Variants in HMGXB3 observed in about 807,000 individuals in gnomAD.
HMGXB3 encodes the protein HMG domain-containing protein 3.
HMGXB3 carries 45 observed loss-of-function variants against 121.5 expected under a neutral mutation model. The observed-to-expected ratio is 0.37, with a 90% CI of 0.29 to 0.47. The LOEUF (loss-of-function observed/expected upper bound fraction) is 0.47. Among genes scored for constraint, HMGXB3 ranks in the 20% least tolerant of loss-of-function variants. The probability of loss-of-function intolerance (pLI) is 0.99; values close to 1 mark genes in which losing one functional copy is unlikely to be tolerated. For missense variants in HMGXB3, 1,376 were observed against 1,602.2 expected, an observed-to-expected ratio of 0.86 and a Z score of 2.41; for synonymous variants, 590 against 624.1, an observed-to-expected ratio of 0.95 and a Z score of 0.81.
At chr5:150,036,308 C>G (rs1264772732) in intron 11 of HMGXB3, among the ~76,000 whole-genome samples, 2 of 152,122 alleles carry the variant, frequency 1.3e-5, no homozygotes, top group African/African-American at 4.8e-5. Context: ...AGAATACATA[C>G]TGCTTGAGCA....
chr5:150,010,043 C>G (rs1033636979), intron 3 of HMGXB3, 68 bp from the exon 4 acceptor site: 2 of 1,433,426 alleles, frequency 1.4e-6, no homozygotes, highest in South Asian at 1.4e-5. Flanking sequence ...ATATATCTTT[C>G]TCTCTCCATG....
intron 18 of HMGXB3, 75 bp from the exon 19 acceptor site, chr5:150,050,177 A>C: frequency 7.8e-7 from 1 of 1,275,768 alleles, no homozygotes; most frequent in South Asian, 1.3e-5. Flanking sequence ...CCTGGGAAGA[A>C]GCGAGTGAGA....
rs216135 is a variant in HMGXB3, at chr5:150,052,504, G to A, written c.*312G>A. On this transcript the variant is annotated 3_prime_UTR_variant, in exon 20 of 20. Transcript: ENST00000502717. The stretch of plus-strand genomic sequence containing the variant: ...AGCTGGTGGGTTCCGTGGGGCCTGC[G>A]GTGTGGGTCAGGGTGGAGGTCCTGG... 1.8e-5 allele frequency: 6 copies of A among 341,110 alleles called. No individual in the cohort carries two copies. The highest frequency in any genetic ancestry group is 4.3e-5 in the South Asian group (1 of 23,174). 21.1% of individuals were successfully genotyped at this position (341,110 alleles called of 1,614,324 possible).
intron 9 of HMGXB3, among the ~76,000 whole-genome samples, chr5:150,028,472 GT>G (rs1372112387): frequency 7.1e-6 from 1 of 140,790 alleles, no homozygotes. Context: ...ATATATATGT[GT>G]GTTTGATATA....
At chr5:150,026,636 G>A (rs750356420) in intron 7 of HMGXB3, 70 bp from the exon 8 acceptor site, 15 of 1,317,974 alleles carry the variant, frequency 1.1e-5, no homozygotes, top group African/African-American at 1.5e-5. Context: ...AAAGCACTAT[G>A]TAGAGATTGC....
chr5:150,027,687 G>A (rs1756266030), intron 9 of HMGXB3, among the ~76,000 whole-genome samples: 1 of 151,996 alleles, frequency 6.6e-6, no homozygotes, highest in African/African-American at 2.4e-5. Flanking sequence ...TGAGTAGCTG[G>A]GATTACAGGA....
chr5:150,007,673 TG>T (rs1457970258), intron 3 of HMGXB3, among the ~76,000 whole-genome samples: 1 of 152,186 alleles, frequency 6.6e-6, no homozygotes, highest in Non-Finnish European at 1.5e-5. Context: ...TTATTAACAG[TG>T]AATCTGGGAA....
intron 7 of HMGXB3, among the ~76,000 whole-genome samples, chr5:150,026,414 G>A (rs1163384575): frequency 6.6e-6 from 1 of 152,160 alleles, no homozygotes; most frequent in African/African-American, 2.4e-5. Context: ...ATAGCGATTG[G>A]CATTACACGC....
At chr5:150,005,554 G>T (rs1755678234) in intron 2 of HMGXB3, among the ~76,000 whole-genome samples, 1 of 146,056 alleles carries the variant, frequency 6.8e-6, no homozygotes, top group African/African-American at 2.5e-5. Context: ...AGCCAAGATT[G>T]TGCCATTGCA....
At chr5:150,002,723 G>T (rs745809377) in intron 1 of HMGXB3, among the ~76,000 whole-genome samples, 2 of 151,572 alleles carry the variant, frequency 1.3e-5, no homozygotes, top group African/African-American at 2.4e-5. Context: ...TCTTTTCCTA[G>T]ACATAAAAGC....
At chr5:150,031,736 T>C (rs1191373654) in intron 10 of HMGXB3, among the ~76,000 whole-genome samples, 2 of 152,212 alleles carry the variant, frequency 1.3e-5, no homozygotes, top group Non-Finnish European at 2.9e-5. Context: ...CATTCATTCC[T>C]TCAAAAAATA....
intron 16 of HMGXB3, 111 bp downstream of exon 16, chr5:150,045,796 A>G: frequency 1.3e-6 from 1 of 770,954 alleles, no homozygotes. Flanking sequence ...GCCCCGCTGC[A>G]GGACTCCTTT....
intron 4 of HMGXB3, among the ~76,000 whole-genome samples, chr5:150,011,263 G>A (rs1755829484): frequency 6.6e-6 from 1 of 152,198 alleles, no homozygotes; most frequent in Non-Finnish European, 1.5e-5. Context: ...TTTCTACAGT[G>A]GCCTAAGTGT....
chr5:150,026,138 C>CT (rs60537571), intron 7 of HMGXB3, among the ~76,000 whole-genome samples: 29,951 of 152,016 alleles, frequency 0.2, 4,080 homozygotes, highest in African/African-American at 0.37. Flanking sequence ...CCCCATCTTG[C>CT]TTTTTTTAAA....
chr5:150,015,089 G>A, intron 5 of HMGXB3: 1 of 379,244 alleles, frequency 2.6e-6, no homozygotes, highest in South Asian at 3.7e-5. Flanking sequence ...GACAGATATG[G>A]AGATACAGGA....
chr5:150,026,803 AT>A lies in HMGXB3; in HGVS notation c.1562del (p.Leu521CysfsTer24). The A allele has an allele frequency of 1.3e-6, 2 of 1,547,436 alleles. No individual in the cohort carries two copies. Among genetic ancestry groups the A allele is most frequent in the Non-Finnish European group, 8.7e-7 (1 of 1,145,664 alleles). On this transcript the variant is annotated frameshift_variant, in exon 8 of 20. Transcript: ENST00000502717. LOFTEE classifies it high-confidence loss of function. ...LLAAARPMRA[I>X]LPAPVNVGRG... is the part of the protein sequence containing the mutation. Reference sequence around the variant, plus strand: ...GGCTGCAGCAAGACCCATGAGAGCAATTTTGCCAGCCCCAGTTAACGTGGGG... The same window carrying A: ...GGCTGCAGCAAGACCCATGAGAGCAATTTGCCAGCCCCAGTTAACGTGGGG...
At chr5:150,010,644 C>T (rs968805968) in intron 4 of HMGXB3, 36 bp downstream of exon 4, 44 of 1,525,274 alleles carry the variant, frequency 2.9e-5, no homozygotes, top group East Asian at 2.7e-4. Flanking sequence ...TTGGCTTTGT[C>T]TGGAGTTACT....
At chr5:150,003,910 T>C (rs944242951) in intron 1 of HMGXB3, among the ~76,000 whole-genome samples, 2 of 151,972 alleles carry the variant, frequency 1.3e-5, no homozygotes, top group African/African-American at 4.8e-5. Context: ...GCCCAGAGTG[T>C]GCCACTGTTC....
At chr5:150,037,286 A>G (rs1756522241) in intron 12 of HMGXB3, 114 bp from the exon 13 acceptor site, 2 of 1,049,876 alleles carry the variant, frequency 1.9e-6, no homozygotes, top group South Asian at 3.6e-5. Context: ...ATACCTACCT[A>G]GAAAATCCTA....
Sources: gnomAD v4.1 joint callset for allele counts (sites outside exome capture counted in the v4.1 genomes callset) on GRCh38, gnomAD v4.1.1 for gene constraint, MANE v1.5 for transcripts, NCBI Gene and HGNC (gene_info 2026-07-23, HGNC 2026-07-21) for gene names.